SCN11A: variants seen among roughly 807,000 people sequenced by gnomAD.
The protein encoded by SCN11A is sodium voltage-gated channel alpha subunit 11, also known as sodium channel protein type 11 subunit alpha.
A neutral mutation model predicts 162.2 loss-of-function variants in SCN11A; 122 were observed. That is an observed-to-expected ratio of 0.75 (90% CI 0.65 to 0.87). The LOEUF (loss-of-function observed/expected upper bound fraction) is 0.87. SCN11A is among the 40% of genes least tolerant of loss of function. The pLI is 0.00. For synonymous variants in SCN11A, 758 were observed against 751.5 expected (o/e 1.01, Z -0.14); for missense variants, 2,015 against 2,181.6 (o/e 0.92, Z 1.52).
In SCN11A at chr3:38,847,680, T is replaced by C. The variant is rs775136369; in HGVS notation, c.4390A>G (p.Ile1464Val). The C allele has an allele frequency of 1.9e-6, 3 of 1,613,620 alleles. No individual in the cohort carries two copies. Among genetic ancestry groups the C allele is most frequent in the East Asian group, 2.2e-5 (1 of 44,878 alleles). Residue 1464 changes from isoleucine (I) to valine (V), a missense_variant, in exon 30 of 30, where the codon ATT (isoleucine) becomes GTT (valine). By Grantham distance (29) the Ile-to-Val change is conservative. Transcript: ENST00000302328. ...CGGCCAATCCGAGCCAAGCGGACAA[T>C]TCTGAAGAGCGTCGGAGGGAAAGGA... ...HIPFPPTLFR[I>V]VRLARIGRIL...
intron 3 of SCN11A, among the ~76,000 whole-genome samples, chr3:38,957,541 C>T (rs545154636): frequency 7.8e-4 from 119 of 152,280 alleles, no homozygotes; most frequent in Non-Finnish European, 1.2e-3. Context: ...TACGACTTGA[C>T]GTGGGGAATG....
At chr3:39,037,341 G>T (rs1350494724) in intron 1 of SCN11A, among the ~76,000 whole-genome samples, 1 of 152,156 alleles carries the variant, frequency 6.6e-6, no homozygotes, top group Non-Finnish European at 1.5e-5. Context: ...GTAGTGGTGG[G>T]GGTCAGGGAA....
At chr3:39,010,991 C>T (rs1183557572) in intron 2 of SCN11A, among the ~76,000 whole-genome samples, 6 of 152,168 alleles carry the variant, frequency 3.9e-5, no homozygotes, top group Non-Finnish European at 8.8e-5. Flanking sequence ...GGTTCCAGCT[C>T]TGCCACTTAC....
intron 2 of SCN11A, among the ~76,000 whole-genome samples, chr3:39,012,722 G>C (rs1252008726): frequency 6.6e-6 from 1 of 152,092 alleles, no homozygotes; most frequent in Non-Finnish European, 1.5e-5. Context: ...TGATTCACCT[G>C]CCTTGGCCTC....
intron 11 of SCN11A, among the ~76,000 whole-genome samples, chr3:38,916,389 T>C (rs905504622): frequency 2.6e-5 from 4 of 152,242 alleles, no homozygotes; most frequent in African/African-American, 4.8e-5. Flanking sequence ...TCATCACCAC[T>C]GTACATCTTC....
chr3:38,890,031 C>CT (rs760883820), intron 19 of SCN11A, among the ~76,000 whole-genome samples: 30 of 151,306 alleles, frequency 2.0e-4, no homozygotes, highest in Non-Finnish European at 4.1e-4. Context: ...TCTTCCAACT[C>CT]TGAGTTAAGG....
In SCN11A at chr3:38,850,470, A is replaced by G; in HGVS notation, c.4327+11T>C. The G allele has an allele frequency of 6.2e-7, 1 of 1,608,378 alleles. No homozygotes were observed. The highest frequency in any genetic ancestry group is 1.3e-5 in the African/African-American group (1 of 74,862). On this transcript the variant is annotated intron_variant, in intron 29 of 29. Transcript: ENST00000302328. The stretch of plus-strand genomic sequence containing the variant: ...GTTCTTAAAGTCCCTCTGACTGCTG[A>G]TTTTACTTACTAACAATGGAAAGAA...
Position 38,872,328 on chromosome 3 carries a change from G to T in SCN11A, c.3394-34C>A. ...AAGAGAGGCCACAGATAATGTACCT[G>T]ACTTGGTGTCCAGCTGGAAAGTCCA... On this transcript the variant is annotated intron_variant, in intron 23 of 29. Transcript: ENST00000302328. 3 of 1,177,904 alleles carry T rather than the reference G, an allele frequency of 2.5e-6. No homozygotes were observed. The South Asian group carries it at 3.7e-5, about 14-fold the overall frequency. 73.0% of individuals were successfully genotyped at this position (1,177,904 alleles called of 1,614,324 possible). A position where few individuals can be genotyped will look rare whatever the true frequency, so the allele number is the denominator to read the frequency against.
chr3:38,925,591 G>A, intron 8 of SCN11A, 82 bp from the exon 9 acceptor site: 1 of 975,938 alleles, frequency 1.0e-6, no homozygotes. Context: ...CCACAAGTAA[G>A]CTCAGCCTGA....
At chr3:39,000,239 A>C (rs1232583037) in intron 2 of SCN11A, among the ~76,000 whole-genome samples, 1 of 152,152 alleles carries the variant, frequency 6.6e-6, no homozygotes, top group Non-Finnish European at 1.5e-5. Flanking sequence ...GCTTTGTAAG[A>C]GCTGACAAGA....
intron 2 of SCN11A, among the ~76,000 whole-genome samples, chr3:38,974,709 A>AAAAAAAAAG (rs1553647127): frequency 1.1e-4 from 14 of 130,360 alleles, no homozygotes; most frequent in Admixed American, 1.7e-4. Flanking sequence ...AAAAAAAAAA[A>AAAAAAAAAG]AAAAGAAAAG....
chr3:38,951,838 C>T (rs969205104), intron 4 of SCN11A, among the ~76,000 whole-genome samples: 24 of 152,254 alleles, frequency 1.6e-4, no homozygotes, highest in Non-Finnish European at 1.0e-4. Flanking sequence ...AATGTAAACG[C>T]ACCAATCAGC....
At position 38,850,666 on chromosome 3, in the gene SCN11A, A is replaced by C. The variant is rs1156663960; in HGVS notation, c.4142T>G (p.Ile1381Ser). The C allele has an allele frequency of 6.2e-7, 1 of 1,613,886 alleles. No homozygotes were observed. The highest frequency in any genetic ancestry group is 8.5e-7 in the Non-Finnish European group (1 of 1,179,790). Residue 1381 changes from isoleucine (I) to serine (S), a missense_variant, in exon 29 of 30, where the codon ATT becomes AGT. Coordinates refer to ENST00000302328, the MANE Select transcript of SCN11A (RefSeq NM_001349253.2). The part of the protein sequence containing the change: ...IIISLIILNM[I>S]SMMAESYNQP... ...GTTGTATGATTCAGCCATCATGCTA[A>C]TCATGTTTAGGATAATGAGACTTAT...
chr3:38,897,314 C>T (rs1003926325), intron 17 of SCN11A, 89 bp from the exon 18 acceptor site: 1 of 1,317,922 alleles, frequency 7.6e-7, no homozygotes, highest in Admixed American at 2.4e-5. Context: ...TGACATATAC[C>T]CAAACTTATG....
At chr3:38,917,111 A>G (rs2065972042) in intron 11 of SCN11A, among the ~76,000 whole-genome samples, 1 of 152,226 alleles carries the variant, frequency 6.6e-6, no homozygotes, top group Non-Finnish European at 1.5e-5. Flanking sequence ...CAAAACCACA[A>G]TGAGATACCA....
intron 2 of SCN11A, among the ~76,000 whole-genome samples, chr3:38,971,090 G>A (rs1272410100): frequency 6.6e-6 from 1 of 152,082 alleles, no homozygotes; most frequent in Non-Finnish European, 1.5e-5. Context: ...GTGTGTCCCT[G>A]AGAGCTCAGC....
intron 2 of SCN11A, among the ~76,000 whole-genome samples, chr3:38,974,773 A>G (rs2066838900): frequency 6.6e-6 from 1 of 151,720 alleles, no homozygotes; most frequent in Non-Finnish European, 1.5e-5. Flanking sequence ...CTAAAAGGAA[A>G]CAATAGAAAA....
chr3:38,951,930 G>C (rs962024932), intron 4 of SCN11A, among the ~76,000 whole-genome samples: 1 of 152,058 alleles, frequency 6.6e-6, no homozygotes. Context: ...TCAGGCTGCT[G>C]GAGCCAGCAG....
intron 4 of SCN11A, among the ~76,000 whole-genome samples, chr3:38,951,121 C>T (rs1233182796): frequency 1.3e-5 from 2 of 152,234 alleles, no homozygotes; most frequent in African/African-American, 2.4e-5. Flanking sequence ...AGGCCAGAGC[C>T]GGCTCCCTCA....
Sources: allele counts gnomAD v4.1 joint callset (sites outside exome capture counted in the v4.1 genomes callset), GRCh38; gene constraint gnomAD v4.1.1; transcripts MANE v1.5; gene names NCBI Gene and HGNC (gene_info 2026-07-23, HGNC 2026-07-21).